TRAPPC9: variants seen among roughly 807,000 people sequenced by gnomAD.
TRAPPC9 encodes IKK2 binding protein.
A neutral mutation model predicts 124.0 loss-of-function variants in TRAPPC9; 83 were observed. That is an observed-to-expected ratio of 0.67 (90% confidence interval 0.56 to 0.80). TRAPPC9 has a LOEUF of 0.80. Ranked by LOEUF, TRAPPC9 falls within the 30% of genes least tolerant of loss-of-function variation. The pLI is 0.00. For synonymous variants in TRAPPC9, 638 were observed against 617.5 expected (o/e 1.03, Z -0.49); for missense variants, 1,302 against 1,508.3 (o/e 0.86, Z 2.27).
chr8:140,109,292 A>C lies in TRAPPC9; in HGVS notation c.2557-85213T>G, dbSNP rs61590643. ...AGGGGGCACTAATAATAATTACTCC[A>C]GGGCAGTATGAACAGGGCCTGTCTC... On this transcript the variant is annotated intron_variant, in intron 17 of 22. Transcript: ENST00000438773. Among the ~76,000 whole-genome samples, 70 of 152,272 alleles carry C rather than the reference A, an allele frequency of 4.6e-4. 2 individuals are homozygous for C. The South Asian group carries it at 0.014, about 31-fold the overall frequency.
At chr8:140,160,845 G>T (rs543386177) in intron 17 of TRAPPC9, among the ~76,000 whole-genome samples, 34 of 151,064 alleles carry the variant, frequency 2.3e-4, no homozygotes, top group Admixed American at 2.6e-4. Flanking sequence ...AAAAAAAAAA[G>T]TTTCTGCCCT....
At chr8:140,337,964 T>C (rs1254995537) in intron 9 of TRAPPC9, among the ~76,000 whole-genome samples, 1 of 152,138 alleles carries the variant, frequency 6.6e-6, no homozygotes, top group Non-Finnish European at 1.5e-5. Flanking sequence ...AACGGGGTTG[T>C]CTGACAGTCA....
chr8:139,752,941 C>A (rs1449109645), intron 21 of TRAPPC9, among the ~76,000 whole-genome samples: 1 of 150,868 alleles, frequency 6.6e-6, no homozygotes, highest in Non-Finnish European at 1.5e-5. Flanking sequence ...ATGCATCCAC[C>A]CATCTACCAT....
At chr8:139,926,797 C>T (rs1328404884) in intron 19 of TRAPPC9, among the ~76,000 whole-genome samples, 1 of 151,932 alleles carries the variant, frequency 6.6e-6, no homozygotes, top group Non-Finnish European at 1.5e-5. Flanking sequence ...GGTAAGTTAA[C>T]TTGAAGATAG....
chr8:140,037,536 A>T (rs1010951665), intron 17 of TRAPPC9, among the ~76,000 whole-genome samples: 2 of 151,548 alleles, frequency 1.3e-5, no homozygotes, highest in South Asian at 4.2e-4. Context: ...TCCACATCGG[A>T]CCCCTACTGC....
chr8:140,438,551 G>A (rs1325000842), intron 3 of TRAPPC9, among the ~76,000 whole-genome samples: 4 of 152,156 alleles, frequency 2.6e-5, no homozygotes, highest in Non-Finnish European at 5.9e-5. Flanking sequence ...ACGCATGGCA[G>A]GGTGGGAGGA....
intron 17 of TRAPPC9, among the ~76,000 whole-genome samples, chr8:140,207,934 G>A (rs1030993128): frequency 1.3e-5 from 2 of 152,046 alleles, no homozygotes; most frequent in African/African-American, 4.8e-5. Flanking sequence ...GGAGGATCAC[G>A]TGAGGTCAGG....
intron 21 of TRAPPC9, among the ~76,000 whole-genome samples, chr8:139,883,482 C>T (rs534974598): frequency 1.3e-5 from 2 of 152,358 alleles, no homozygotes; most frequent in East Asian, 3.9e-4. Context: ...CCGGCAGGCA[C>T]CTCTGCCCAC....
intron 19 of TRAPPC9, among the ~76,000 whole-genome samples, chr8:139,980,251 G>C (rs1004024116): frequency 2.6e-5 from 4 of 152,076 alleles, no homozygotes; most frequent in Admixed American, 1.3e-4. Flanking sequence ...GTTACACCTC[G>C]GACACAGTTC....
chr8:140,229,349 A>C (rs1430150116), intron 16 of TRAPPC9, among the ~76,000 whole-genome samples: 1 of 116,278 alleles, frequency 8.6e-6, no homozygotes, highest in Non-Finnish European at 1.7e-5. Flanking sequence ...TGCAATCTCC[A>C]CCTCCCGGGT....
chr8:140,379,719 G>C (rs528851663), intron 7 of TRAPPC9, among the ~76,000 whole-genome samples: 1 of 152,164 alleles, frequency 6.6e-6, no homozygotes, highest in East Asian at 1.9e-4. Context: ...ATTAAGAAAG[G>C]GATGAAGCCA....
At chr8:140,081,097 G>T (rs188470042) in intron 17 of TRAPPC9, among the ~76,000 whole-genome samples, 1 of 152,194 alleles carries the variant, frequency 6.6e-6, no homozygotes, top group East Asian at 1.9e-4. Flanking sequence ...GAGAAGCAAG[G>T]CCAAGATTAA....
chr8:140,095,071 T>C (rs1844843566), intron 17 of TRAPPC9: 1 of 152,050 alleles, frequency 6.6e-6, no homozygotes, highest in South Asian at 2.1e-4. Context: ...TAACACAGGG[T>C]CTCTTCTTTC....
At chr8:139,818,622 T>G (rs1288719594) in intron 21 of TRAPPC9, among the ~76,000 whole-genome samples, 1 of 152,268 alleles carries the variant, frequency 6.6e-6, no homozygotes, top group African/African-American at 2.4e-5. Context: ...AGTGGTGTGC[T>G]GGTATATGTT....
At chr8:140,279,411 A>G (rs1312026173) in intron 14 of TRAPPC9, among the ~76,000 whole-genome samples, 1 of 152,268 alleles carries the variant, frequency 6.6e-6, no homozygotes, top group East Asian at 1.9e-4. Context: ...TATTAGATTA[A>G]TAACAATCAA....
chr8:140,418,030 G>A (rs1361080754), intron 5 of TRAPPC9, among the ~76,000 whole-genome samples: 5 of 152,284 alleles, frequency 3.3e-5, no homozygotes, highest in African/African-American at 1.2e-4. Context: ...ATGGACACAG[G>A]GAGGGGAACA....
intron 11 of TRAPPC9, among the ~76,000 whole-genome samples, chr8:140,297,080 A>G (rs1039326541): frequency 7.9e-5 from 12 of 152,202 alleles, no homozygotes; most frequent in Non-Finnish European, 1.6e-4. Flanking sequence ...TCCCCAAAAC[A>G]CAGTGAGGAC....
intron 17 of TRAPPC9, among the ~76,000 whole-genome samples, chr8:140,054,246 C>A (rs1385837245): frequency 6.6e-6 from 1 of 152,186 alleles, no homozygotes; most frequent in Non-Finnish European, 1.5e-5. Flanking sequence ...ATGGGTTCCA[C>A]AGAAGCCCAA....
At position 139,742,076 on chromosome 8, in the gene TRAPPC9, T is replaced by A. The variant is rs959982562; in HGVS notation, c.3056-9874A>T. ...TGGGTCAAATGGCAACTCTGTCTAA[T>A]GGTTTCAGGAAGCACCAGACTGTTT... is the stretch of plus-strand genomic sequence containing the variant. On this transcript the variant is annotated intron_variant, in intron 21 of 22. Coordinates refer to ENST00000438773, the MANE Select transcript of TRAPPC9 (RefSeq NM_001160372.4). This position sits in a 1 kb window ranked among gnomAD's most constrained non-coding sequence, Gnocchi z 4.7. Among the ~76,000 whole-genome samples the A allele has an allele frequency of 2.0e-5, 3 of 152,182 alleles. No individual in the cohort carries two copies. The highest frequency in any genetic ancestry group is 4.8e-5 in the African/African-American group (2 of 41,434).
Sources: gnomAD v4.1 joint callset for allele counts (sites outside exome capture counted in the v4.1 genomes callset) on GRCh38, gnomAD v4.1.1 for gene constraint, Gnocchi (gnomAD v3.1) non-coding constraint, MANE v1.5 for transcripts, NCBI Gene and HGNC (gene_info 2026-07-23, HGNC 2026-07-21) for gene names.